CNTN5: variants seen among roughly 807,000 people sequenced by gnomAD.
CNTN5 encodes contactin 5, also known as contactin-5.
In CNTN5, 77 loss-of-function variants were observed where a neutral mutation model predicts 129.1. The observed-to-expected ratio is 0.60, with a 90% confidence interval of 0.50 to 0.72. The LOEUF (loss-of-function observed/expected upper bound fraction) is 0.72, where lower values mean the gene tolerates loss of function less well. Among genes scored for constraint, CNTN5 ranks in the 30% least tolerant of loss-of-function variants. The pLI is 0.00. For synonymous variants in CNTN5, 509 were observed against 465.6 expected, an observed-to-expected ratio of 1.09 and a Z score of -1.20; for missense variants, 1,478 against 1,328.8, an observed-to-expected ratio of 1.11 and a Z score of -1.75.
At chr11:99,665,544 G>T (rs1952756482) in intron 3 of CNTN5, among the ~76,000 whole-genome samples, 1 of 143,208 alleles carries the variant, frequency 7.0e-6, no homozygotes, top group African/African-American at 2.7e-5. Flanking sequence ...GGAGTGCAAT[G>T]GCGTGATCTT....
At chr11:99,374,084 G>C (rs913240211) in intron 2 of CNTN5, among the ~76,000 whole-genome samples, 2 of 152,100 alleles carry the variant, frequency 1.3e-5, no homozygotes, top group African/African-American at 4.8e-5. Flanking sequence ...GAACCCTTTA[G>C]AAATCAGATC....
At chr11:100,167,288 C>G (rs1456687483) in intron 13 of CNTN5, among the ~76,000 whole-genome samples, 2 of 151,566 alleles carry the variant, frequency 1.3e-5, no homozygotes, top group African/African-American at 2.4e-5. Context: ...TGTAAGAGAC[C>G]GTAGCTTCTG....
At chr11:99,450,305 T>C (rs891782142) in intron 2 of CNTN5, among the ~76,000 whole-genome samples, 9 of 151,306 alleles carry the variant, frequency 5.9e-5, no homozygotes, top group African/African-American at 2.2e-4. Context: ...TGTATGTATA[T>C]GTATACACAT....
At chr11:99,785,052 G>GCCTGCCTCCGCCTGCCTCCA (rs1555110676) in intron 3 of CNTN5, among the ~76,000 whole-genome samples, 57 of 151,106 alleles carry the variant, frequency 3.8e-4, no homozygotes, top group Non-Finnish European at 1.9e-4. Context: ...GCCTGCCTCC[G>GCCTGCCTCCGCCTGCCTCCA]CCTGCCTCCA....
At chr11:99,525,550 A>G (rs1947452328) in intron 2 of CNTN5, among the ~76,000 whole-genome samples, 1 of 152,246 alleles carries the variant, frequency 6.6e-6, no homozygotes, top group East Asian at 1.9e-4. Flanking sequence ...GGGTAATTAA[A>G]ATGATAGATG....
At chr11:99,343,882 T>C (rs1866634416) in intron 2 of CNTN5, among the ~76,000 whole-genome samples, 1 of 151,420 alleles carries the variant, frequency 6.6e-6, no homozygotes, top group Non-Finnish European at 1.5e-5. Context: ...GTGTGCTAAG[T>C]GAAACAAAAA....
chr11:99,788,455 A>G (rs572348979), intron 3 of CNTN5, among the ~76,000 whole-genome samples: 2 of 152,036 alleles, frequency 1.3e-5, no homozygotes, highest in South Asian at 4.1e-4. Flanking sequence ...CATCTCATTA[A>G]TTTATTGTGT....
chr11:99,427,785 A>T (rs1175969904), intron 2 of CNTN5, among the ~76,000 whole-genome samples: 1 of 151,336 alleles, frequency 6.6e-6, no homozygotes, highest in Non-Finnish European at 1.5e-5. Flanking sequence ...AAAAAAAAAA[A>T]AAAAAAAGTT....
intron 1 of CNTN5, among the ~76,000 whole-genome samples, chr11:99,121,564 GT>G (rs1438179510): frequency 4.0e-5 from 6 of 151,410 alleles, no homozygotes; most frequent in African/African-American, 1.2e-4. Flanking sequence ...GGGCAGTAAA[GT>G]TTTCTTAAAA....
chr11:100,112,064 C>T (rs537452828), intron 13 of CNTN5, among the ~76,000 whole-genome samples: 25 of 152,294 alleles, frequency 1.6e-4, no homozygotes, highest in African/African-American at 5.5e-4. Context: ...AGGGATTACA[C>T]CTCCGTGTTG....
chr11:99,126,093 A>C (rs1322337246), intron 1 of CNTN5, among the ~76,000 whole-genome samples: 1 of 152,092 alleles, frequency 6.6e-6, no homozygotes, highest in African/African-American at 2.4e-5. Flanking sequence ...GATTTTGGGG[A>C]GCAATGTTCT....
chr11:100,038,759 A>C (rs1259202990), intron 9 of CNTN5, among the ~76,000 whole-genome samples: 1 of 151,874 alleles, frequency 6.6e-6, no homozygotes, highest in Non-Finnish European at 1.5e-5. Flanking sequence ...TGTTGGTTTA[A>C]AGTCTGTTTT....
intron 6 of CNTN5, among the ~76,000 whole-genome samples, chr11:99,857,241 T>C (rs1274662717): frequency 6.6e-6 from 1 of 152,172 alleles, no homozygotes; most frequent in Non-Finnish European, 1.5e-5. Context: ...TGAGGGCAGA[T>C]TTCATGTCTT....
intron 2 of CNTN5, among the ~76,000 whole-genome samples, chr11:99,366,455 G>A (rs1939450201): frequency 6.6e-6 from 1 of 152,124 alleles, no homozygotes; most frequent in Non-Finnish European, 1.5e-5. Flanking sequence ...AATGCCATAG[G>A]CATTTCAGAA....
intron 2 of CNTN5, among the ~76,000 whole-genome samples, chr11:99,520,685 G>A (rs1356351925): frequency 6.6e-6 from 1 of 152,104 alleles, no homozygotes; most frequent in East Asian, 1.9e-4. Context: ...GAAGGTAGGA[G>A]TGTTAGTACA....
intron 2 of CNTN5, among the ~76,000 whole-genome samples, chr11:99,531,726 G>A (rs958636090): frequency 1.5e-4 from 23 of 152,226 alleles, no homozygotes; most frequent in Admixed American, 7.8e-4. Flanking sequence ...TTCAGGGGAT[G>A]TAAGCCTTAA....
intron 1 of CNTN5, among the ~76,000 whole-genome samples, chr11:99,304,082 A>G (rs904876556): frequency 2.6e-5 from 4 of 152,160 alleles, no homozygotes; most frequent in African/African-American, 9.7e-5. Flanking sequence ...ATTTCAAGCT[A>G]AATGACAGTT....
chr11:100,200,291 G>A (rs1948747748), intron 15 of CNTN5, among the ~76,000 whole-genome samples: 1 of 151,868 alleles, frequency 6.6e-6, no homozygotes, highest in African/African-American at 2.4e-5. Flanking sequence ...ACTTTCTGTA[G>A]ATTGTCAAAA....
chr11:99,054,120 A>G (rs1176755483), intron 1 of CNTN5, among the ~76,000 whole-genome samples: 1 of 152,004 alleles, frequency 6.6e-6, no homozygotes, highest in South Asian at 2.1e-4. Flanking sequence ...TTTAGTCTTC[A>G]GGATGCAAGA....
Sources: gnomAD v4.1 joint callset for allele counts (sites outside exome capture counted in the v4.1 genomes callset) on GRCh38, gnomAD v4.1.1 for gene constraint, MANE v1.5 for transcripts, NCBI Gene and HGNC (gene_info 2026-07-23, HGNC 2026-07-21) for gene names.